MAL: variants seen among roughly 807,000 people sequenced by gnomAD.
The protein encoded by MAL is myelin and lymphocyte protein.
In MAL, 5 loss-of-function variants were observed where a neutral mutation model predicts 16.7. That is an observed-to-expected ratio of 0.30 (90% CI 0.16 to 0.63). MAL has a LOEUF of 0.63. Among genes scored for constraint, MAL ranks in the 30% least tolerant of loss-of-function variants. MAL has a pLI of 0.82. For missense variants in MAL, 202 were observed against 195.8 expected (o/e 1.03, Z -0.19); for synonymous variants, 96 against 85.5 (o/e 1.12, Z -0.67).
In MAL at chr2:95,048,048, C is replaced by A. The variant is rs771527865; in HGVS notation, c.183C>A (p.Phe61Leu). 2 of 1,613,952 alleles carry A rather than the reference C, an allele frequency of 1.2e-6. No homozygotes were observed. The highest frequency in any genetic ancestry group is 1.7e-6 in the Non-Finnish European group (2 of 1,179,894). ...VQGWVMFVSVFCFVATTTLII... is the reference protein window; with the variant it reads ...VQGWVMFVSVLCFVATTTLII... Reference sequence around the variant, plus strand: ...GCTGGGTGATGTTCGTGTCTGTGTTCTGCTTCGTGGCCACCACCACCTTGA... The same window carrying A: ...GCTGGGTGATGTTCGTGTCTGTGTTATGCTTCGTGGCCACCACCACCTTGA... The change falls in exon 2 of 4, where the codon TTC becomes TTA. Residue 61 changes from phenylalanine to leucine, a missense_variant. Physicochemically the swap from Phe to Leu is conservative, Grantham distance 22. Transcript: ENST00000309988.
chr2:95,049,513 G>A, intron 2 of MAL, 68 bp from the exon 3 acceptor site: 4 of 1,588,818 alleles, frequency 2.5e-6, no homozygotes, highest in Non-Finnish European at 3.4e-6. Context: ...GGGTGGAGGG[G>A]ACCTCAGCTC....
At position 95,050,969 on chromosome 2, in the gene MAL, T is replaced by C. The variant is rs576631775; in HGVS notation, c.387+1263T>C. On this transcript the variant is annotated intron_variant, in intron 3 of 3. Transcript: ENST00000309988. ...CCAAGACTGCCTCATACCTCCCCCATCCCAGCCAAGCCTTCTCTTTTAACA... is the reference window on the plus strand; with the variant it reads ...CCAAGACTGCCTCATACCTCCCCCACCCCAGCCAAGCCTTCTCTTTTAACA... Among the ~76,000 whole-genome samples the C allele has an allele frequency of 3.9e-5, 6 of 152,274 alleles. No homozygotes were observed. In the East Asian group the frequency reaches 1.2e-3, roughly 29 times the overall value.
intron 1 of MAL, among the ~76,000 whole-genome samples, chr2:95,031,912 G>A (rs1402300039): frequency 2.0e-5 from 3 of 152,244 alleles, no homozygotes; most frequent in African/African-American, 7.2e-5. Flanking sequence ...AAGACCAGAG[G>A]CTGGCTTTGG....
intron 1 of MAL, among the ~76,000 whole-genome samples, chr2:95,027,469 TCCCTTCCTCACTTCCCAGG>T (rs1486735253): frequency 6.6e-6 from 1 of 152,084 alleles, no homozygotes; most frequent in Non-Finnish European, 1.5e-5. Context: ...GTTCCCCACC[TCCCTTCCTCACTTCCCAGG>T]AGACCCGCAA....
intron 1 of MAL, among the ~76,000 whole-genome samples, chr2:95,034,922 TAA>T (rs996939521): frequency 7.9e-5 from 12 of 152,158 alleles, no homozygotes; most frequent in African/African-American, 2.9e-4. Flanking sequence ...GCCTACACCC[TAA>T]GTCTGCCCAC....
chr2:95,048,821 A>G (rs996511165), intron 2 of MAL, among the ~76,000 whole-genome samples: 1 of 152,106 alleles, frequency 6.6e-6, no homozygotes, highest in Non-Finnish European at 1.5e-5. Context: ...GCTTTCATTT[A>G]TTACTTTATT....
At chr2:95,037,493 TGACTGAG>T in intron 1 of MAL, among the ~76,000 whole-genome samples, 3 of 150,490 alleles carry the variant, frequency 2.0e-5, no homozygotes, top group African/African-American at 7.4e-5. Context: ...ACTGAGTGAG[TGACTGAG>T]TGACTGAGTG....
chr2:95,037,924 CTGAG>C lies in MAL; in HGVS notation c.94-10021_94-10018del, dbSNP rs748797921. Reference sequence around the variant, plus strand: ...AGTGAGTGACTTGGTGAGTGAGTGACTGAGTGAGTGAGTGAGTAACTGAGTGAGT... The same window carrying C: ...AGTGAGTGACTTGGTGAGTGAGTGACTGAGTGAGTGAGTAACTGAGTGAGT... On this transcript the variant is annotated intron_variant, in intron 1 of 3. Coordinates refer to ENST00000309988, the MANE Select transcript of MAL (RefSeq NM_002371.4). Among the ~76,000 whole-genome samples, 551 of 86,650 alleles carry C rather than the reference CTGAG, an allele frequency of 6.4e-3. 6 individuals are homozygous for C. Among genetic ancestry groups the C allele is most frequent in the Non-Finnish European group, 4.9e-3 (208 of 42,416 alleles). The allele number at this position is 86,650 out of a possible 152,430, so 56.8% of individuals were successfully genotyped here.
intron 1 of MAL, among the ~76,000 whole-genome samples, chr2:95,042,614 G>A (rs1325664741): frequency 6.6e-6 from 1 of 152,222 alleles, no homozygotes; most frequent in Admixed American, 6.5e-5. Flanking sequence ...TTGATGGACA[G>A]TAACAGGGTG....
intron 1 of MAL, among the ~76,000 whole-genome samples, chr2:95,032,541 C>G (rs943619915): frequency 6.6e-6 from 1 of 152,226 alleles, no homozygotes; most frequent in Non-Finnish European, 1.5e-5. Context: ...AGGGTGTACC[C>G]TCCTGGTGTT....
chr2:95,041,009 T>G (rs779159627), intron 1 of MAL, among the ~76,000 whole-genome samples: 5 of 151,836 alleles, frequency 3.3e-5, no homozygotes, highest in African/African-American at 4.8e-5. Flanking sequence ...GAAGACCTCT[T>G]TGGTTCATGT....
At chr2:95,047,141 A>G (rs1674609541) in intron 1 of MAL, among the ~76,000 whole-genome samples, 1 of 152,234 alleles carries the variant, frequency 6.6e-6, no homozygotes, top group Non-Finnish European at 1.5e-5. Flanking sequence ...CTACCATTGC[A>G]TAAAGGAAAG....
rs1674771152 is a variant in MAL at position 95,053,662 on chromosome 2, C to G, written c.*207C>G. On this transcript the variant is annotated 3_prime_UTR_variant, in exon 4 of 4. Coordinates refer to ENST00000309988, the MANE Select transcript of MAL (RefSeq NM_002371.4). ...TGTGCCTTCGCGTCCGGGTTGGGAG[C>G]TTGCTGTGTCTAACCTCCAACTGCT... 1.7e-6 allele frequency: 1 copy of G among 578,282 alleles called. No homozygotes were observed. Among genetic ancestry groups the G allele is most frequent in the Admixed American group, 3.0e-5 (1 of 33,412 alleles). The allele number at this position is 578,282 out of a possible 1,614,324, so 35.8% of individuals were successfully genotyped here. A position where few individuals can be genotyped will look rare whatever the true frequency, so the allele number is the denominator to read the frequency against.
At position 95,028,524 on chromosome 2, in the gene MAL, T is replaced by C. The variant is rs942825186; in HGVS notation, c.93+2639T>C. On this transcript the variant is annotated intron_variant, in intron 1 of 3. Coordinates refer to ENST00000309988, the MANE Select transcript of MAL (RefSeq NM_002371.4). The stretch of plus-strand genomic sequence containing the variant: ...GCCACTGTGGAAAACAGTTTGGTGT[T>C]CCCTCAAAAAATTACCCTCTGACCC... Among the ~76,000 whole-genome samples, 7 of 152,052 alleles carry C rather than the reference T, an allele frequency of 4.6e-5. No homozygotes were observed. In the South Asian group the frequency reaches 1.2e-3, roughly 27 times the overall value.
chr2:95,028,080 G>C (rs935455892), intron 1 of MAL, among the ~76,000 whole-genome samples: 4 of 150,886 alleles, frequency 2.7e-5, no homozygotes, highest in African/African-American at 9.8e-5. Flanking sequence ...GCTGAGGTGG[G>C]TGGATCACCT....
chr2:95,044,346 G>A (rs746199429), intron 1 of MAL: 10 of 152,206 alleles, frequency 6.6e-5, no homozygotes, highest in Non-Finnish European at 1.3e-4. Context: ...ACGTATCTGC[G>A]AATATTCTGA....
At chr2:95,045,668 G>A (rs1674569665) in intron 1 of MAL, among the ~76,000 whole-genome samples, 2 of 152,346 alleles carry the variant, frequency 1.3e-5, no homozygotes, top group Non-Finnish European at 1.5e-5. Flanking sequence ...AAGGCACTTA[G>A]GAGAGGGGTT....
rs1338254783 is a variant in MAL at position 95,025,943 on chromosome 2, G to T, written c.93+58G>T. On this transcript the variant is annotated intron_variant, in intron 1 of 3. Transcript: ENST00000309988. This position sits in a 1 kb window ranked among gnomAD's most constrained non-coding sequence, Gnocchi z 5.6. ...TGGGCTGAGCCGTGCGCTCTCTCGGGCGCCCAGCACAGCTGTCGGACGGGA... is the reference window on the plus strand; with the variant it reads ...TGGGCTGAGCCGTGCGCTCTCTCGGTCGCCCAGCACAGCTGTCGGACGGGA... The T allele has an allele frequency of 4.2e-6, 6 of 1,434,286 alleles. No individual in the cohort carries two copies. Among genetic ancestry groups the T allele is most frequent in the Non-Finnish European group, 5.7e-6 (6 of 1,058,994 alleles). The allele number at this position is 1,434,286 out of a possible 1,614,324, so 88.8% of individuals were successfully genotyped here. A position where few individuals can be genotyped will look rare whatever the true frequency, so the allele number is the denominator to read the frequency against.
At chr2:95,026,178 C>T (rs137890625) in intron 1 of MAL, among the ~76,000 whole-genome samples, 21 of 152,226 alleles carry the variant, frequency 1.4e-4, no homozygotes, top group African/African-American at 4.8e-4. Flanking sequence ...TCTTGGTTCG[C>T]TGGTCCCAAA....
Sources: gnomAD v4.1 joint callset for allele counts (sites outside exome capture counted in the v4.1 genomes callset) on GRCh38, gnomAD v4.1.1 for gene constraint, Gnocchi (gnomAD v3.1) non-coding constraint, MANE v1.5 for transcripts, NCBI Gene and HGNC (gene_info 2026-07-23, HGNC 2026-07-21) for gene names.